MCF2L2: variants seen among roughly 807,000 people sequenced by gnomAD.
MCF2L2 encodes probable guanine nucleotide exchange factor MCF2L2.
MCF2L2 carries 102 observed loss-of-function variants against 150.2 expected under a neutral mutation model. That is an observed-to-expected ratio of 0.68 (90% confidence interval 0.58 to 0.80). MCF2L2 has a LOEUF of 0.80. Ranked by LOEUF, MCF2L2 falls within the 30% of genes least tolerant of loss-of-function variation. The pLI, the probability that MCF2L2 is intolerant of heterozygous loss-of-function variation, is 0.00. For missense variants in MCF2L2, 1,256 were observed against 1,372.8 expected (o/e 0.91, Z 1.34); for synonymous variants, 465 against 491.3 (o/e 0.95, Z 0.71).
intron 1 of MCF2L2, among the ~76,000 whole-genome samples, chr3:183,424,086 T>A (rs1030257783): frequency 2.0e-5 from 3 of 152,122 alleles, no homozygotes; most frequent in Admixed American, 6.6e-5. Context: ...TACAGCAAAT[T>A]TGCAGATATT....
chr3:183,325,629 C>T (rs1729992342), intron 5 of MCF2L2, among the ~76,000 whole-genome samples: 1 of 152,112 alleles, frequency 6.6e-6, no homozygotes, highest in Non-Finnish European at 1.5e-5. Context: ...GTATGAGTTG[C>T]TATGGTAATA....
At chr3:183,296,731 A>G (rs1728525676) in intron 12 of MCF2L2, 1 of 459,372 alleles carries the variant, frequency 2.2e-6, no homozygotes. Context: ...AGCACAGCAC[A>G]TGGTACATCA....
At chr3:183,359,256 C>G (rs890886754) in intron 3 of MCF2L2, among the ~76,000 whole-genome samples, 6 of 152,180 alleles carry the variant, frequency 3.9e-5, no homozygotes, top group Admixed American at 2.0e-4. Flanking sequence ...ACAATAGGCA[C>G]TCAGAAGGCA....
intron 3 of MCF2L2, among the ~76,000 whole-genome samples, chr3:183,353,253 T>C (rs1426903806): frequency 6.6e-6 from 1 of 152,180 alleles, no homozygotes; most frequent in Non-Finnish European, 1.5e-5. Flanking sequence ...CACTCATTCA[T>C]AGAAAAGACC....
chr3:183,375,371 C>T (rs1437443015), intron 3 of MCF2L2: 1 of 152,234 alleles, frequency 6.6e-6, no homozygotes, highest in Non-Finnish European at 1.5e-5. Context: ...AGAACCCTCT[C>T]TTACAGGTCT....
chr3:183,423,192 C>T (rs919283822), intron 1 of MCF2L2, among the ~76,000 whole-genome samples: 3 of 152,182 alleles, frequency 2.0e-5, no homozygotes, highest in Non-Finnish European at 4.4e-5. Context: ...AGCAGATACC[C>T]TACTCTAATT....
At chr3:183,321,345 G>A (rs1729801921) in intron 6 of MCF2L2, among the ~76,000 whole-genome samples, 1 of 150,500 alleles carries the variant, frequency 6.6e-6, no homozygotes, top group Non-Finnish European at 1.5e-5. Flanking sequence ...GGCTGAGGCA[G>A]AAGAATTGCT....
chr3:183,214,041 A>C (rs1722826547), intron 22 of MCF2L2, among the ~76,000 whole-genome samples: 1 of 152,134 alleles, frequency 6.6e-6, no homozygotes, highest in Non-Finnish European at 1.5e-5. Flanking sequence ...ACTGGCTGGG[A>C]ATGAAATTAG....
chr3:183,322,602 G>A (rs2108520154), intron 6 of MCF2L2, among the ~76,000 whole-genome samples: 1 of 152,268 alleles, frequency 6.6e-6, no homozygotes, highest in Admixed American at 6.5e-5. Context: ...CCCAACATCA[G>A]ACAACATGTT....
chr3:183,384,003 G>A (rs76095511), intron 2 of MCF2L2, among the ~76,000 whole-genome samples: 20 of 152,270 alleles, frequency 1.3e-4, no homozygotes, highest in East Asian at 1.2e-3. Context: ...CCCCAGACAC[G>A]CATAACAACA....
chr3:183,360,378 G>A (rs1199168380), intron 3 of MCF2L2, among the ~76,000 whole-genome samples: 2 of 151,934 alleles, frequency 1.3e-5, no homozygotes, highest in African/African-American at 2.4e-5. Flanking sequence ...GATCAGCCTG[G>A]GCAACAGAAC....
At chr3:183,356,909 A>C (rs755841572) in intron 3 of MCF2L2, among the ~76,000 whole-genome samples, 2 of 152,116 alleles carry the variant, frequency 1.3e-5, no homozygotes, top group Non-Finnish European at 2.9e-5. Flanking sequence ...ACAAGAATAC[A>C]CTCTTATGAA....
rs1729064317 is a variant in MCF2L2, at chr3:183,305,719, G to A, written c.1113+3997C>T. Among the ~76,000 whole-genome samples the A allele has an allele frequency of 1.3e-5, 2 of 152,100 alleles. No individual in the cohort carries two copies. Among genetic ancestry groups the A allele is most frequent in the East Asian group, 3.9e-4 (2 of 5,172 alleles). On this transcript the variant is annotated intron_variant, in intron 10 of 29. Transcript: ENST00000328913. This position sits in a 1 kb window ranked among gnomAD's most constrained non-coding sequence, Gnocchi z 4.1. ...CAAAAATTAGCCGGGTGTGGTGGAGGGTACCTGTAGTCCCAGCTACTTGGG... is the reference window on the plus strand; with the variant it reads ...CAAAAATTAGCCGGGTGTGGTGGAGAGTACCTGTAGTCCCAGCTACTTGGG...
At chr3:183,334,605 T>C (rs1730394957) in intron 5 of MCF2L2, among the ~76,000 whole-genome samples, 1 of 151,276 alleles carries the variant, frequency 6.6e-6, no homozygotes, top group African/African-American at 2.4e-5. Context: ...CTGGCCAACA[T>C]GGTGAAACCC....
intron 25 of MCF2L2, among the ~76,000 whole-genome samples, chr3:183,203,810 A>G (rs183331673): frequency 6.6e-6 from 1 of 152,364 alleles, no homozygotes; most frequent in African/African-American, 2.4e-5. Context: ...CAAACTGTCA[A>G]CAAAGACAAT....
At chr3:183,238,726 G>A (rs915263142) in intron 15 of MCF2L2, among the ~76,000 whole-genome samples, 13 of 151,182 alleles carry the variant, frequency 8.6e-5, no homozygotes, top group Admixed American at 2.6e-4. Context: ...GGCCGGGCGC[G>A]GTGGCTCACG....
At chr3:183,274,123 G>A (rs1222019661) in intron 15 of MCF2L2, among the ~76,000 whole-genome samples, 4 of 151,974 alleles carry the variant, frequency 2.6e-5, no homozygotes, top group African/African-American at 9.7e-5. Context: ...GCTGAGGCAG[G>A]AGAATTGCTT....
At chr3:183,259,672 C>CT (rs779361514) in intron 15 of MCF2L2, among the ~76,000 whole-genome samples, 1 of 152,102 alleles carries the variant, frequency 6.6e-6, no homozygotes, top group East Asian at 1.9e-4. Context: ...GAGTCCGGTA[C>CT]TTTTTTGCCT....
chr3:183,291,193 T>C (rs759067222), intron 13 of MCF2L2, among the ~76,000 whole-genome samples: 17 of 152,294 alleles, frequency 1.1e-4, no homozygotes, highest in East Asian at 1.9e-4. Flanking sequence ...GCACTATAAT[T>C]TGTGACACCA....
Sources: gnomAD v4.1 joint callset for allele counts (sites outside exome capture counted in the v4.1 genomes callset) on GRCh38, gnomAD v4.1.1 for gene constraint, Gnocchi (gnomAD v3.1) non-coding constraint, MANE v1.5 for transcripts, NCBI Gene and HGNC (gene_info 2026-07-23, HGNC 2026-07-21) for gene names.